The following MECOM variants were observed in gnomAD, a reference collection of about 807,000 sequenced individuals.
MECOM encodes the protein MDS1 and EVI1 complex locus.
A neutral mutation model predicts 116.3 loss-of-function variants in MECOM; 13 were observed. The observed-to-expected ratio is 0.11, with a 90% CI of 0.07 to 0.18. The LOEUF is 0.18. Among genes scored for constraint, MECOM ranks in the 10% least tolerant of loss-of-function variants. The pLI, the probability that MECOM is intolerant of heterozygous loss-of-function variation, is 1.00. For missense variants in MECOM, 1,299 were observed against 1,509.0 expected (o/e 0.86, Z 2.31); for synonymous variants, 528 against 535.2 (o/e 0.99, Z 0.19).
At chr3:169,425,529 A>G (rs1029801343) in intron 1 of MECOM, among the ~76,000 whole-genome samples, 1 of 152,212 alleles carries the variant, frequency 6.6e-6, no homozygotes, top group East Asian at 1.9e-4. Context: ...TTTGTTGATT[A>G]TGAATTAGGC....
intron 1 of MECOM, among the ~76,000 whole-genome samples, chr3:169,536,020 T>C (rs1273006828): frequency 6.6e-6 from 1 of 152,204 alleles, no homozygotes; most frequent in Non-Finnish European, 1.5e-5. Context: ...GACTGTGCTA[T>C]GCACTACTGT....
At chr3:169,246,259 G>A (rs1755570754) in intron 2 of MECOM, among the ~76,000 whole-genome samples, 1 of 152,148 alleles carries the variant, frequency 6.6e-6, no homozygotes, top group Non-Finnish European at 1.5e-5. Context: ...CACACTGTAA[G>A]CTGCATAAAT....
At chr3:169,324,092 C>T (rs1721387748) in intron 2 of MECOM, among the ~76,000 whole-genome samples, 1 of 152,132 alleles carries the variant, frequency 6.6e-6, no homozygotes, top group Non-Finnish European at 1.5e-5. Context: ...CTGAGTTATA[C>T]AAGAAGGATT....
intron 2 of MECOM, chr3:169,147,032 G>T: frequency 1.0e-6 from 1 of 991,340 alleles, no homozygotes; most frequent in Non-Finnish European, 1.2e-6. Context: ...TTTCGTCTGG[G>T]TGACCCGGGT....
chr3:169,250,289 A>AT lies in MECOM; in HGVS notation c.376-106458dup, dbSNP rs71634429. Among the ~76,000 whole-genome samples, 6 of 152,282 alleles carry AT rather than the reference A, an allele frequency of 3.9e-5. No individual in the cohort carries two copies. The East Asian group carries it at 7.7e-4, about 20-fold the overall frequency. ...TAGTAGCAGTGGCCAGTTCACCTTA[A>AT]TTTTTTTGTTCGCATTGAACATGTA... On this transcript the variant is annotated intron_variant, in intron 2 of 16. Transcript: ENST00000651503.
rs1250382238 is a variant in MECOM at position 169,114,075 on chromosome 3, CA to C, written c.2490-1202del. 2.8e-4 allele frequency among the ~76,000 whole-genome samples: 42 copies of C among 151,902 alleles called. 1 individual carries two copies. The highest frequency in any genetic ancestry group is 2.8e-3 in the Admixed American group (42 of 15,232). ...GAAGCCAGTTGCTACTGAGAGGGTA[CA>C]AAAAGGAAAGCCTGAAAAATTATCT... On this transcript the variant is annotated intron_variant, in intron 8 of 16. Coordinates refer to ENST00000651503, the MANE Select transcript of MECOM (RefSeq NM_004991.4).
At chr3:169,277,911 C>T (rs1759812285) in intron 2 of MECOM, among the ~76,000 whole-genome samples, 1 of 152,196 alleles carries the variant, frequency 6.6e-6, no homozygotes, top group Non-Finnish European at 1.5e-5. Context: ...AAGCGCAAAT[C>T]CATTCCATTA....
intron 10 of MECOM, among the ~76,000 whole-genome samples, chr3:169,104,848 C>G (rs1428250956): frequency 6.6e-6 from 1 of 152,158 alleles, no homozygotes; most frequent in Admixed American, 6.5e-5. Flanking sequence ...ACTGTGATTA[C>G]TTTACCTCAA....
chr3:169,538,493 C>T (rs906565511), intron 1 of MECOM, among the ~76,000 whole-genome samples: 1 of 152,138 alleles, frequency 6.6e-6, no homozygotes, highest in African/African-American at 2.4e-5. Context: ...ATTCCCTATC[C>T]TCAGTTTGCA....
At chr3:169,283,827 AT>A (rs1243448788) in intron 2 of MECOM, among the ~76,000 whole-genome samples, 1 of 151,908 alleles carries the variant, frequency 6.6e-6, no homozygotes, top group Non-Finnish European at 1.5e-5. Context: ...AATCACCTGT[AT>A]TTTTTTTCTG....
chr3:169,558,413 A>G (rs1235552547), intron 1 of MECOM, among the ~76,000 whole-genome samples: 1 of 152,234 alleles, frequency 6.6e-6, no homozygotes, highest in Non-Finnish European at 1.5e-5. Flanking sequence ...AACCCTCACC[A>G]GTAGACGCCC....
chr3:169,580,092 A>G (rs1054316920), intron 1 of MECOM, among the ~76,000 whole-genome samples: 6 of 152,216 alleles, frequency 3.9e-5, no homozygotes, highest in Non-Finnish European at 7.3e-5. Context: ...AATAGCTGGT[A>G]CTATCCTTAG....
At chr3:169,179,324 T>C (rs954484584) in intron 2 of MECOM, among the ~76,000 whole-genome samples, 3 of 152,216 alleles carry the variant, frequency 2.0e-5, no homozygotes, top group African/African-American at 7.2e-5. Flanking sequence ...CCACTCTCAA[T>C]GCTAGTGTGT....
intron 2 of MECOM, among the ~76,000 whole-genome samples, chr3:169,338,143 C>G (rs1723883035): frequency 6.6e-6 from 1 of 152,094 alleles, no homozygotes; most frequent in South Asian, 2.1e-4. Context: ...TATAGACTCC[C>G]TCAGGATCGG....
chr3:169,266,924 GAGAA>G, intron 2 of MECOM, among the ~76,000 whole-genome samples: 1 of 152,184 alleles, frequency 6.6e-6, no homozygotes, highest in East Asian at 1.9e-4. Flanking sequence ...AAAGAGGGAA[GAGAA>G]AGAAAGAATG....
intron 1 of MECOM, among the ~76,000 whole-genome samples, chr3:169,390,723 C>G (rs1734077168): frequency 1.3e-5 from 2 of 152,134 alleles, no homozygotes; most frequent in Admixed American, 1.3e-4. Context: ...TTATAATTAC[C>G]TAAGTGTGGC....
chr3:169,195,770 A>C (rs1748334238), intron 2 of MECOM, among the ~76,000 whole-genome samples: 1 of 152,026 alleles, frequency 6.6e-6, no homozygotes, highest in Non-Finnish European at 1.5e-5. Context: ...AACAGAACCT[A>C]CTGGGATAGA....
At position 169,371,631 on chromosome 3, in the gene MECOM, T is replaced by C. The variant is rs148364270; in HGVS notation, c.375+9556A>G. 2.1e-3 allele frequency among the ~76,000 whole-genome samples: 318 copies of C among 152,096 alleles called. 1 individual carries two copies. The highest frequency in any genetic ancestry group is 7.4e-3 in the African/African-American group (306 of 41,524). On this transcript the variant is annotated intron_variant, in intron 2 of 16. Coordinates refer to ENST00000651503, the MANE Select transcript of MECOM (RefSeq NM_004991.4). ...ATATGTATATCAAAACATCACGTTG[T>C]ACACCTTGAATGTATACAATTATTA... is the stretch of plus-strand genomic sequence containing the variant.
intron 2 of MECOM, among the ~76,000 whole-genome samples, chr3:169,155,518 C>G (rs17547453): frequency 0.098 from 14,834 of 152,074 alleles, 933 homozygotes; most frequent in Non-Finnish European, 0.14. Flanking sequence ...CATTTTTACA[C>G]CAAACATTAG....
Sources: gnomAD v4.1 joint callset for allele counts (sites outside exome capture counted in the v4.1 genomes callset) on GRCh38, gnomAD v4.1.1 for gene constraint, MANE v1.5 for transcripts, NCBI Gene and HGNC (gene_info 2026-07-23, HGNC 2026-07-21) for gene names.